The following C17orf99 variants were observed in gnomAD, a reference collection of about 807,000 sequenced individuals.
The protein encoded by C17orf99 is protein IL-40.
C17orf99 carries 18 observed loss-of-function variants against 22.6 expected under a neutral mutation model. The ratio of observed to expected loss-of-function variants is 0.80; its 90% CI spans 0.55 to 1.18. C17orf99 has a LOEUF of 1.18. Ranked by LOEUF, C17orf99 falls within the 50% of genes most tolerant of loss-of-function variation. The pLI, the probability that C17orf99 is intolerant of heterozygous loss-of-function variation, is 0.00. For synonymous variants in C17orf99, 147 were observed against 136.6 expected, an observed-to-expected ratio of 1.08 and a Z score of -0.53; for missense variants, 328 against 342.7, an observed-to-expected ratio of 0.96 and a Z score of 0.34.
rs62079079 is a variant in C17orf99, at chr17:78,148,240, G to C, written c.70+1329G>C. Among the ~76,000 whole-genome samples, 34 of 141,508 alleles carry C rather than the reference G, an allele frequency of 2.4e-4. 1 individual carries two copies. The highest frequency in any genetic ancestry group is 4.3e-4 in the Non-Finnish European group (28 of 65,424). The allele number at this position is 141,508 out of a possible 152,430, so 92.8% of individuals were successfully genotyped here. A position where few individuals can be genotyped will look rare whatever the true frequency, so the allele number is the denominator to read the frequency against. ...CTCTTAAAAAAAAAAAAAGAAAATG[G>C]CTCGATCTCAGCTTACTGCAACCTC... On this transcript the variant is annotated intron_variant, in intron 2 of 4. Transcript: ENST00000340363.
At chr17:78,158,292 TC>T (rs2075544394) in intron 2 of C17orf99, 1 of 429,010 alleles carries the variant, frequency 2.3e-6, no homozygotes, top group Non-Finnish European at 4.5e-6. Context: ...GCTGGACTCC[TC>T]CTACACATTT....
intron 2 of C17orf99, among the ~76,000 whole-genome samples, chr17:78,147,348 G>C (rs2075444728): frequency 6.6e-6 from 1 of 152,212 alleles, no homozygotes; most frequent in African/African-American, 2.4e-5. Flanking sequence ...CTGACCAGGA[G>C]GAGGGCCGTG....
chr17:78,161,855 AAG>A (rs930954992), intron 3 of C17orf99, among the ~76,000 whole-genome samples: 24 of 151,942 alleles, frequency 1.6e-4, no homozygotes, highest in African/African-American at 5.3e-4. Flanking sequence ...AAAAAAGAAA[AAG>A]AAACGAAAAA....
At chr17:78,153,678 C>G (rs1054093249) in intron 2 of C17orf99, among the ~76,000 whole-genome samples, 1 of 152,048 alleles carries the variant, frequency 6.6e-6, no homozygotes, top group South Asian at 2.1e-4. Flanking sequence ...AGGGTGATCG[C>G]GTGTCAGCCC....
At chr17:78,150,034 G>T in intron 2 of C17orf99, among the ~76,000 whole-genome samples, 1 of 148,942 alleles carries the variant, frequency 6.7e-6, no homozygotes, top group East Asian at 2.0e-4. Flanking sequence ...TTTGAGACAG[G>T]GTCTTGCCAT....
chr17:78,157,822 A>T, intron 2 of C17orf99: 1 of 826,324 alleles, frequency 1.2e-6, no homozygotes, highest in Non-Finnish European at 1.9e-6. Context: ...AAAAAAAAAA[A>T]AAGAATGGCT....
intron 2 of C17orf99, among the ~76,000 whole-genome samples, chr17:78,150,889 G>A (rs921180704): frequency 6.6e-6 from 1 of 152,176 alleles, no homozygotes; most frequent in Admixed American, 6.6e-5. Context: ...TTGGGAGGCC[G>A]AGGTAGGCGG....
At chr17:78,153,200 T>C (rs957627643) in intron 2 of C17orf99, among the ~76,000 whole-genome samples, 1 of 151,886 alleles carries the variant, frequency 6.6e-6, no homozygotes, top group Admixed American at 6.6e-5. Flanking sequence ...AAAGTGAGTG[T>C]GCGGCCGGGG....
At position 78,161,158 on chromosome 17, in the gene C17orf99, A is replaced by G; in HGVS notation, c.274A>G (p.Ser92Gly). 1 of 1,551,802 alleles carries G rather than the reference A, an allele frequency of 6.4e-7. No individual in the cohort carries two copies. The highest frequency in any genetic ancestry group is 8.7e-7 in the Non-Finnish European group (1 of 1,146,986). The change falls in exon 3 of 5, where the codon AGT becomes GGT. Residue 92 changes from serine (S) to glycine (G), a missense_variant. Coordinates refer to ENST00000340363, the MANE Select transcript of C17orf99 (RefSeq NM_001163075.2). Reference protein sequence around the residue: ...SFNLNVTLKSSPDLLTYFCWA... With the variant: ...SFNLNVTLKSGPDLLTYFCWA... ...CAACCTCAACGTCACACTCAAGTCC[A>G]GTCCAGACCTGCTCACCTACTTCTG...
intron 2 of C17orf99, chr17:78,157,990 C>T: frequency 3.0e-6 from 4 of 1,319,132 alleles, no homozygotes; most frequent in South Asian, 1.2e-5. Context: ...TGGATGTCCC[C>T]AGCATCAAAA....
chr17:78,152,089 G>A (rs1233562169), intron 2 of C17orf99, among the ~76,000 whole-genome samples: 1 of 152,136 alleles, frequency 6.6e-6, no homozygotes, highest in Non-Finnish European at 1.5e-5. Flanking sequence ...CCCGAGGGCA[G>A]CCCTGTCGTC....
intron 2 of C17orf99, among the ~76,000 whole-genome samples, chr17:78,151,470 AAAC>A (rs2075482998): frequency 1.3e-5 from 2 of 151,912 alleles, no homozygotes; most frequent in Non-Finnish European, 2.9e-5. Context: ...GACAACCAAA[AAAC>A]AACACCAACA....
At chr17:78,157,781 A>G in intron 2 of C17orf99, 1 of 620,286 alleles carries the variant, frequency 1.6e-6, no homozygotes, top group Non-Finnish European at 2.5e-6. Context: ...TGGGCGACAG[A>G]GCGTGACTCT....
chr17:78,157,659 T>C (rs2075537961), intron 2 of C17orf99, among the ~76,000 whole-genome samples: 1 of 151,432 alleles, frequency 6.6e-6, no homozygotes, highest in South Asian at 2.1e-4. Context: ...TAGCCGGGCG[T>C]GGTGGCGGGC....
chr17:78,146,377 G>A (rs968896483), upstream of C17orf99: 2 of 1,548,298 alleles, frequency 1.3e-6, no homozygotes, highest in African/African-American at 2.7e-5. The surrounding 1 kb of genome is among the most constrained non-coding windows in gnomAD (Gnocchi z 5.2). Flanking sequence ...GGTTCTCACT[G>A]CCCGAGCAGA....
chr17:78,154,959 C>T (rs1004639273), intron 2 of C17orf99, among the ~76,000 whole-genome samples: 5 of 151,976 alleles, frequency 3.3e-5, no homozygotes, highest in African/African-American at 1.2e-4. Flanking sequence ...GGGAAGACAT[C>T]CTGATTCTAG....
intron 2 of C17orf99, among the ~76,000 whole-genome samples, chr17:78,147,765 C>A (rs1273565397): frequency 3.3e-5 from 5 of 152,136 alleles, no homozygotes; most frequent in Non-Finnish European, 7.3e-5. Flanking sequence ...CCAGGTTGAA[C>A]CATTATTTCC....
In C17orf99 at chr17:78,154,318, G is replaced by A. The variant is rs189611266; in HGVS notation, c.71-6637G>A. 8.8e-3 allele frequency among the ~76,000 whole-genome samples: 1,340 copies of A among 152,138 alleles called. 16 individuals are homozygous for A. The highest frequency in any genetic ancestry group is 0.03 in the African/African-American group (1,246 of 41,522). ...AATCCCAGCACTTTGGGAGGCCAAG[G>A]TGGGTGGATCACCTGAGGTCAGGAG... On this transcript the variant is annotated intron_variant, in intron 2 of 4. Transcript: ENST00000340363.
In C17orf99 at chr17:78,157,851, G is replaced by A. The variant is rs141656924; in HGVS notation, c.71-3104G>A. ...AATGGCTTTGTGGTACTCAAAGGCC[G>A]GCCACGTAAGATCGTCGAGATGTCT... On this transcript the variant is annotated intron_variant, in intron 2 of 4. Coordinates refer to ENST00000340363, the MANE Select transcript of C17orf99 (RefSeq NM_001163075.2). 128 of 998,888 alleles carry A rather than the reference G, an allele frequency of 1.3e-4. No individual in the cohort carries two copies. In the African/African-American group the frequency reaches 1.8e-3, roughly 14 times the overall value. The allele number at this position is 998,888 out of a possible 1,614,324, so 61.9% of individuals were successfully genotyped here.
Sources: gnomAD v4.1 joint callset for allele counts (sites outside exome capture counted in the v4.1 genomes callset) on GRCh38, gnomAD v4.1.1 for gene constraint, Gnocchi (gnomAD v3.1) non-coding constraint, MANE v1.5 for transcripts, NCBI Gene and HGNC (gene_info 2026-07-23, HGNC 2026-07-21) for gene names.